Variants in FUT1 observed in about 807,000 individuals in gnomAD.
FUT1 encodes the protein fucosyltransferase 1 (H blood group).
For missense variants in FUT1, 476 were observed against 492.7 expected (o/e 0.97, Z 0.32); for synonymous variants, 215 against 208.7 (o/e 1.03, Z -0.26).
chr19:48,750,828 C>G lies in FUT1; in HGVS notation c.454G>C (p.Glu152Gln), dbSNP rs765667467. The change falls in exon 2 of 2, where the codon GAG (glutamate) becomes CAG (glutamine). Residue 152 changes from glutamate (E) to glutamine (Q), a missense_variant. Transcript: ENST00000645652. The part of the protein sequence containing the change: ...RELQLHDWMS[E>Q]EYADLRDPFL... ...GGATCTCTCAAGTCCGCGTACTCCT[C>G]CGACATCCAGTCGTGAAGCTGCAGC... The G allele has an allele frequency of 8.1e-6, 13 of 1,613,772 alleles. No homozygotes were observed. Among genetic ancestry groups the G allele is most frequent in the African/African-American group, 6.7e-5 (5 of 74,938 alleles).
Position 48,752,589 on chromosome 19 carries a change from G to A in FUT1, c.-102C>T. 1.0e-6 allele frequency: 1 copy of A among 985,484 alleles called. No homozygotes were observed. The highest frequency in any genetic ancestry group is 1.2e-6 in the Non-Finnish European group (1 of 829,934). The allele number at this position is 985,484 out of a possible 1,614,324, so 61.0% of individuals were successfully genotyped here. A position where few individuals can be genotyped will look rare whatever the true frequency, so the allele number is the denominator to read the frequency against. On this transcript the variant is annotated 5_prime_UTR_variant, in exon 1 of 2. Coordinates refer to ENST00000645652, the MANE Select transcript of FUT1 (RefSeq NM_001384359.1). The surrounding 1 kb of genome is among the most constrained non-coding windows in gnomAD (Gnocchi z 4.3). ...CATCCGGCCGCCCCTGGAACGCCAG[G>A]CGTCCGGCTATCCGGCCCGGCAGCC...
upstream of FUT1, chr19:48,752,820 A>T (rs2034025250): frequency 2.0e-6 from 2 of 985,306 alleles, no homozygotes; most frequent in Non-Finnish European, 2.4e-6. This position sits in a 1 kb window ranked among gnomAD's most constrained non-coding sequence, Gnocchi z 4.3. Context: ...CAGATCGGGG[A>T]TGCAGGGGAC....
upstream of FUT1, chr19:48,752,844 T>A: frequency 1.5e-5 from 15 of 985,374 alleles, no homozygotes; most frequent in Non-Finnish European, 1.8e-5. The surrounding 1 kb of genome is among the most constrained non-coding windows in gnomAD (Gnocchi z 4.3). Context: ...GCCCTGCCCC[T>A]CCGCCCCGTC....
upstream of FUT1, chr19:48,753,525 GT>G (rs1479259433): frequency 6.6e-6 from 1 of 152,366 alleles, no homozygotes; most frequent in Non-Finnish European, 1.5e-5. Flanking sequence ...CTAACGTAGG[GT>G]CCAGCCCTAC....
At chr19:48,754,439 T>A (rs1285853711), upstream of FUT1, among the ~76,000 whole-genome samples, 2 of 152,100 alleles carry the variant, frequency 1.3e-5, no homozygotes, top group Admixed American at 1.3e-4. Flanking sequence ...AACGGGTGCC[T>A]TCCCAGACAC....
upstream of FUT1, chr19:48,753,666 G>T (rs2034040152): frequency 6.4e-6 from 1 of 155,548 alleles, no homozygotes; most frequent in South Asian, 1.7e-4. Flanking sequence ...CGCAGAGACC[G>T]GTAGTGGCCC....
chr19:48,754,806 T>C (rs1439715889), upstream of FUT1, among the ~76,000 whole-genome samples: 1 of 152,126 alleles, frequency 6.6e-6, no homozygotes, highest in African/African-American at 2.4e-5. Context: ...CCATTCAAGA[T>C]ACATCAATGT....
chr19:48,750,230 C>A lies in FUT1; in HGVS notation c.1052G>T (p.Gly351Val). ...PEAAFLPEWVGINADLSPLWT... is the reference protein window; with the variant it reads ...PEAAFLPEWVVINADLSPLWT... ...GAGTGGAGACAAGTCTGCATTAATGCCCACCCACTCGGGCAGGAAGGCCGC... is the reference window on the plus strand; with the variant it reads ...GAGTGGAGACAAGTCTGCATTAATGACCACCCACTCGGGCAGGAAGGCCGC... The change falls in exon 2 of 2, where the codon GGC becomes GTC. Residue 351 changes from glycine to valine, a missense_variant. Physicochemically the swap from Gly to Val is moderately radical, Grantham distance 109 (BLOSUM62 -3). Coordinates refer to ENST00000645652, the MANE Select transcript of FUT1 (RefSeq NM_001384359.1). The A allele has an allele frequency of 6.2e-7, 1 of 1,612,264 alleles. No individual in the cohort carries two copies. The highest frequency in any genetic ancestry group is 1.7e-5 in the Admixed American group (1 of 59,642).
Position 48,749,320 on chromosome 19 carries a change from A to C in FUT1, c.*864T>G, listed in dbSNP as rs1471992700. On this transcript the variant is annotated 3_prime_UTR_variant, in exon 2 of 2. Transcript: ENST00000645652. ...AATAAATAAATAAATAAATAATTAA[A>C]AAAAAAATATCCGGGCTGGGCACAG... 7.5e-6 allele frequency: 1 copy of C among 132,902 alleles called. No individual in the cohort carries two copies. The highest frequency in any genetic ancestry group is 1.6e-5 in the Non-Finnish European group (1 of 61,168). 8.2% of individuals were successfully genotyped at this position (132,902 alleles called of 1,614,324 possible).
upstream of FUT1, among the ~76,000 whole-genome samples, chr19:48,755,108 C>T (rs971377513): frequency 6.9e-5 from 9 of 131,100 alleles, no homozygotes; most frequent in African/African-American, 2.5e-4. Context: ...GAGTCCAGAC[C>T]AAAGCTCCCT....
Position 48,751,127 on chromosome 19 carries a change from A to T in FUT1, c.155T>A (p.Val52Glu), listed in dbSNP as rs1347303223. The T allele has an allele frequency of 1.2e-6, 2 of 1,613,646 alleles. No homozygotes were observed. The highest frequency in any genetic ancestry group is 1.7e-6 in the Non-Finnish European group (2 of 1,179,778). ...CPDRRLVTPPVAIFCLPGTAM... is the reference protein window; with the variant it reads ...CPDRRLVTPPEAIFCLPGTAM... ...AGTACCCGGCAGGCAGAAGATGGCC[A>T]CTGGGGGTGTCACCAGGCGGCGGTC... The change falls in exon 2 of 2, where the codon GTG (valine) becomes GAG (glutamate). Residue 52 changes from valine to glutamate, a missense_variant. Val to Glu is a moderately radical substitution (Grantham distance 121). Coordinates refer to ENST00000645652, the MANE Select transcript of FUT1 (RefSeq NM_001384359.1).
chr19:48,751,812 A>G (rs1434198283), intron 1 of FUT1, among the ~76,000 whole-genome samples: 1 of 152,108 alleles, frequency 6.6e-6, no homozygotes. Context: ...TTAGCCGGGC[A>G]TGGTGGCGCA....
In FUT1 at chr19:48,752,190, G is replaced by A. The variant is rs1447585046; in HGVS notation, c.-3+300C>T. Among the ~76,000 whole-genome samples, 3 of 150,472 alleles carry A rather than the reference G, an allele frequency of 2.0e-5. No individual in the cohort carries two copies. On this transcript the variant is annotated intron_variant, in intron 1 of 1. Coordinates refer to ENST00000645652, the MANE Select transcript of FUT1 (RefSeq NM_001384359.1). This position sits in a 1 kb window ranked among gnomAD's most constrained non-coding sequence, Gnocchi z 4.3. Reference sequence around the variant, plus strand: ...GAAGGAATCTCGAGTCTCCCCTCCTGTAAGTTCCGCTGATACTGGACTCTT... The same window carrying A: ...GAAGGAATCTCGAGTCTCCCCTCCTATAAGTTCCGCTGATACTGGACTCTT...
At chr19:48,755,076 G>A (rs1396683786), upstream of FUT1, among the ~76,000 whole-genome samples, 1 of 134,914 alleles carries the variant, frequency 7.4e-6, no homozygotes, top group Non-Finnish European at 1.6e-5. Flanking sequence ...CAGATCCCTA[G>A]CCCCTACTCC....
rs1315175347 is a variant in FUT1 at position 48,750,226 on chromosome 19, A to C, written c.1056T>G (p.Ile352Met). 6.2e-7 allele frequency: 1 copy of C among 1,612,360 alleles called. No individual in the cohort carries two copies. The highest frequency in any genetic ancestry group is 8.5e-7 in the Non-Finnish European group (1 of 1,179,224). ...TCCAGAGTGGAGACAAGTCTGCATT[A>C]ATGCCCACCCACTCGGGCAGGAAGG... is the stretch of plus-strand genomic sequence containing the variant. ...EAAFLPEWVG[I>M]NADLSPLWTL... The change falls in exon 2 of 2, where the codon ATT becomes ATG. Residue 352 changes from isoleucine (I) to methionine (M), a missense_variant. By Grantham distance (10) the Ile-to-Met change is conservative. Coordinates refer to ENST00000645652, the MANE Select transcript of FUT1 (RefSeq NM_001384359.1).
At chr19:48,753,910 C>T (rs1483663394), upstream of FUT1, among the ~76,000 whole-genome samples, 7 of 152,132 alleles carry the variant, frequency 4.6e-5, no homozygotes, top group Admixed American at 3.3e-4. Context: ...TTCGGGCGGG[C>T]GCGGTGGCTC....
At chr19:48,754,875 G>A (rs560966513), upstream of FUT1, among the ~76,000 whole-genome samples, 68 of 152,074 alleles carry the variant, frequency 4.5e-4, no homozygotes, top group South Asian at 1.0e-3. Flanking sequence ...CCCCAGGCTC[G>A]GGACTCCCAG....
chr19:48,751,232 C>G lies in FUT1; in HGVS notation c.50G>C (p.Cys17Ser), dbSNP rs1317221629. Residue 17 changes from cysteine (C) to serine (S), a missense_variant, in exon 2 of 2, where the codon TGT (cysteine) becomes TCT (serine). Cys to Ser is a moderately radical substitution (Grantham distance 112). Coordinates refer to ENST00000645652, the MANE Select transcript of FUT1 (RefSeq NM_001384359.1). ...GAGGAAGAAGATTACAGAGAGGACA[C>G]AGACTAGCAGGAAGGCCAGGCAGAG... ...RQLCLAFLLV[C>S]VLSVIFFLHI... The G allele has an allele frequency of 6.2e-7, 1 of 1,614,060 alleles. No homozygotes were observed. The highest frequency in any genetic ancestry group is 8.5e-7 in the Non-Finnish European group (1 of 1,180,052).
Position 48,748,667 on chromosome 19 carries a change from A to G in FUT1, c.*1517T>C, listed in dbSNP as rs1275679112. The G allele has an allele frequency of 6.6e-6, 1 of 152,342 alleles. No homozygotes were observed. 9.4% of individuals were successfully genotyped at this position (152,342 alleles called of 1,614,324 possible). Reference sequence around the variant, plus strand: ...TAGCCTGTCTGCTCAAAACAAACAAAAAAAAGTCTTTGAGGGGCTGTGGGG... The same window carrying G: ...TAGCCTGTCTGCTCAAAACAAACAAGAAAAAGTCTTTGAGGGGCTGTGGGG... On this transcript the variant is annotated 3_prime_UTR_variant, in exon 2 of 2. Coordinates refer to ENST00000645652, the MANE Select transcript of FUT1 (RefSeq NM_001384359.1).
Sources: allele counts gnomAD v4.1 joint callset (sites outside exome capture counted in the v4.1 genomes callset), GRCh38; gene constraint gnomAD v4.1.1; non-coding constraint Gnocchi (gnomAD v3.1); transcripts MANE v1.5; gene names NCBI Gene and HGNC (gene_info 2026-07-23, HGNC 2026-07-21).